NCAM2: variants seen among roughly 807,000 people sequenced by gnomAD.
The protein encoded by NCAM2 is N-CAM-2.
NCAM2 carries 30 observed loss-of-function variants against 98.1 expected under a neutral mutation model. The ratio of observed to expected loss-of-function variants is 0.31; its 90% CI spans 0.23 to 0.41. NCAM2 has a LOEUF of 0.41. NCAM2 is among the 10% of genes least tolerant of loss of function. NCAM2 has a pLI of 1.00. For missense variants in NCAM2, 867 were observed against 1,005.8 expected (o/e 0.86, Z 1.87); for synonymous variants, 368 against 342.4 (o/e 1.07, Z -0.83).
At chr21:21,431,315 C>G (rs2077338663) in intron 11 of NCAM2, among the ~76,000 whole-genome samples, 2 of 94,514 alleles carry the variant, frequency 2.1e-5, no homozygotes. Flanking sequence ...AAATCCCTCA[C>G]TGGGATTTTT....
At chr21:21,343,139 T>C (rs1251894755) in intron 8 of NCAM2, among the ~76,000 whole-genome samples, 1 of 152,204 alleles carries the variant, frequency 6.6e-6, no homozygotes, top group Non-Finnish European at 1.5e-5. Context: ...AATTAAAATA[T>C]AGTGTTCAGT....
At chr21:21,071,491 T>G (rs1421585479) in intron 1 of NCAM2, among the ~76,000 whole-genome samples, 1 of 152,204 alleles carries the variant, frequency 6.6e-6, no homozygotes, top group Non-Finnish European at 1.5e-5. Context: ...CATTTGATTT[T>G]GTGTTTGAGA....
At chr21:21,237,802 G>T (rs1281929323) in intron 1 of NCAM2, among the ~76,000 whole-genome samples, 1 of 151,610 alleles carries the variant, frequency 6.6e-6, no homozygotes, top group Non-Finnish European at 1.5e-5. Flanking sequence ...TGGTTTCAGT[G>T]GAATTTCTTA....
chr21:21,192,161 T>A (rs1661175622), intron 1 of NCAM2, among the ~76,000 whole-genome samples: 1 of 151,988 alleles, frequency 6.6e-6, no homozygotes, highest in Non-Finnish European at 1.5e-5. Flanking sequence ...AGGCAGAGGT[T>A]GTGGTGAGCC....
intron 8 of NCAM2, among the ~76,000 whole-genome samples, chr21:21,346,945 A>G (rs548271831): frequency 2.0e-5 from 3 of 151,974 alleles, no homozygotes; most frequent in Non-Finnish European, 2.9e-5. Context: ...CAAATATGCA[A>G]TCTAATGATA....
chr21:21,133,291 C>T (rs772678835), intron 1 of NCAM2, among the ~76,000 whole-genome samples: 3 of 152,200 alleles, frequency 2.0e-5, no homozygotes, highest in Non-Finnish European at 4.4e-5. Context: ...ACACATACCT[C>T]ACTAGTCTAC....
chr21:21,185,660 A>T (rs2068616630), intron 1 of NCAM2, among the ~76,000 whole-genome samples: 1 of 152,174 alleles, frequency 6.6e-6, no homozygotes, highest in African/African-American at 2.4e-5. Flanking sequence ...ATATACTTGC[A>T]GCAGAAATAA....
intron 1 of NCAM2, among the ~76,000 whole-genome samples, chr21:21,049,523 A>C (rs1308498616): frequency 6.6e-6 from 1 of 151,614 alleles, no homozygotes; most frequent in Admixed American, 6.6e-5. Context: ...CACACTGACT[A>C]CTTTTTTTTT....
chr21:21,252,621 A>G (rs2826754), intron 1 of NCAM2, among the ~76,000 whole-genome samples: 50,645 of 151,948 alleles, frequency 0.33, 9,011 homozygotes, highest in Non-Finnish European at 0.4. Context: ...ATGCAGTTTT[A>G]TATCAAGCAG....
In NCAM2 at chr21:21,542,408, CATAAAT is replaced by C. The variant is rs1990268595; in HGVS notation, c.*4455_*4460del. On this transcript the variant is annotated 3_prime_UTR_variant, in exon 18 of 18. Transcript: ENST00000400546. Reference sequence around the variant, plus strand: ...TATTACTTTAGGATTTTATCTATAACATAAATATATTATTTGTTATTACCTCTTTAA... The same window carrying C: ...TATTACTTTAGGATTTTATCTATAACATATTATTTGTTATTACCTCTTTAA... 6.6e-6 allele frequency: 1 copy of C among 151,750 alleles called. No individual in the cohort carries two copies. Among genetic ancestry groups the C allele is most frequent in the South Asian group, 2.1e-4 (1 of 4,832 alleles). The allele number at this position is 151,750 out of a possible 1,614,324, so 9.4% of individuals were successfully genotyped here.
At chr21:21,370,947 CAAAGA>C (rs2075901678) in intron 8 of NCAM2, among the ~76,000 whole-genome samples, 1 of 151,532 alleles carries the variant, frequency 6.6e-6, no homozygotes, top group African/African-American at 2.4e-5. Context: ...ATTTTATTAT[CAAAGA>C]AAAGAGAAAG....
Position 21,411,037 on chromosome 21 carries a change from C to CATAT in NCAM2, c.1383+583_1383+586dup, listed in dbSNP as rs556205731. On this transcript the variant is annotated intron_variant, in intron 10 of 17. Coordinates refer to ENST00000400546, the MANE Select transcript of NCAM2 (RefSeq NM_004540.5). Reference sequence around the variant, plus strand: ...AAAAATATATATATATATATACACACATATATATATGTGTGTGTATATATA... The same window carrying CATAT: ...AAAAATATATATATATATATACACACATATATATATATATGTGTGTGTATATATA... Among the ~76,000 whole-genome samples, 276 of 53,290 alleles carry CATAT rather than the reference C, an allele frequency of 5.2e-3. 14 individuals are homozygous for CATAT. The East Asian group carries it at 0.066, about 13-fold the overall frequency. The allele number at this position is 53,290 out of a possible 152,430, so 35.0% of individuals were successfully genotyped here. A position where few individuals can be genotyped will look rare whatever the true frequency, so the allele number is the denominator to read the frequency against.
intron 1 of NCAM2, among the ~76,000 whole-genome samples, chr21:21,233,380 C>T (rs1325821153): frequency 6.6e-6 from 1 of 151,500 alleles, no homozygotes; most frequent in African/African-American, 2.4e-5. Context: ...TTACTGATGA[C>T]CTCTCATAGA....
intron 1 of NCAM2, among the ~76,000 whole-genome samples, chr21:21,148,930 T>A (rs1001542260): frequency 2.0e-5 from 3 of 152,188 alleles, no homozygotes; most frequent in African/African-American, 7.2e-5. Context: ...TAAGCCACAG[T>A]GTATTTCCAA....
intron 1 of NCAM2, among the ~76,000 whole-genome samples, chr21:21,075,915 A>T (rs9976909): frequency 2.6e-5 from 4 of 151,936 alleles, no homozygotes; most frequent in African/African-American, 9.7e-5. Flanking sequence ...TCAGGAGTTC[A>T]AGAACAGTTT....
At chr21:21,272,418 AT>A (rs1423533713) in intron 1 of NCAM2, among the ~76,000 whole-genome samples, 1 of 152,128 alleles carries the variant, frequency 6.6e-6, no homozygotes, top group African/African-American at 2.4e-5. Context: ...CTGAATCAGA[AT>A]TTCCAGTGAT....
chr21:21,015,835 C>G (rs952352414), intron 1 of NCAM2, among the ~76,000 whole-genome samples: 2 of 152,096 alleles, frequency 1.3e-5, no homozygotes, highest in African/African-American at 4.8e-5. Context: ...TCCTGAGTAG[C>G]TGGGATTACA....
chr21:21,208,573 A>C (rs963897068), intron 1 of NCAM2, among the ~76,000 whole-genome samples: 1 of 152,120 alleles, frequency 6.6e-6, no homozygotes, highest in East Asian at 1.9e-4. Flanking sequence ...CATGGTTGTA[A>C]GTTTCAGCTT....
chr21:21,486,567 A>G (rs1986407247), intron 15 of NCAM2, among the ~76,000 whole-genome samples: 1 of 152,128 alleles, frequency 6.6e-6, no homozygotes, highest in South Asian at 2.1e-4. Context: ...ACCTCCAGAA[A>G]CTGTTTTTTA....
Sources: allele counts gnomAD v4.1 joint callset (sites outside exome capture counted in the v4.1 genomes callset), GRCh38; gene constraint gnomAD v4.1.1; transcripts MANE v1.5; gene names NCBI Gene and HGNC (gene_info 2026-07-23, HGNC 2026-07-21).